Variants in SEMA4D observed in about 807,000 individuals in gnomAD.
SEMA4D encodes the protein semaphorin 4D, also known as semaphorin-4D.
SEMA4D carries 22 observed loss-of-function variants against 74.8 expected under a neutral mutation model. That is an observed-to-expected ratio of 0.29 (90% CI 0.21 to 0.42). SEMA4D has a LOEUF of 0.42. SEMA4D is among the 10% of genes least tolerant of loss of function. The pLI, the probability that SEMA4D is intolerant of heterozygous loss-of-function variation, is 1.00. For missense variants in SEMA4D, 937 were observed against 1,118.4 expected (o/e 0.84, Z 2.31); for synonymous variants, 445 against 463.7 (o/e 0.96, Z 0.52).
intron 1 of SEMA4D, among the ~76,000 whole-genome samples, chr9:89,494,137 A>C (rs1825828065): frequency 6.6e-6 from 1 of 152,198 alleles, no homozygotes. Context: ...CCACAAATCA[A>C]ATTCTATTTA....
chr9:89,390,352 G>A (rs1839556729), intron 9 of SEMA4D, among the ~76,000 whole-genome samples: 1 of 130,286 alleles, frequency 7.7e-6, no homozygotes, highest in Non-Finnish European at 1.7e-5. Flanking sequence ...CAGGAGCATG[G>A]CAGCCACGGC....
intron 2 of SEMA4D, among the ~76,000 whole-genome samples, chr9:89,415,126 T>C (rs1296319998): frequency 6.6e-6 from 1 of 152,190 alleles, no homozygotes; most frequent in African/African-American, 2.4e-5. Context: ...TGTCATGCCA[T>C]TTGTGTGACA....
At chr9:89,431,215 G>C (rs1413308323) in intron 2 of SEMA4D, among the ~76,000 whole-genome samples, 1 of 152,152 alleles carries the variant, frequency 6.6e-6, no homozygotes, top group Non-Finnish European at 1.5e-5. Context: ...TGACTGGCAC[G>C]TTCCAAGCTC....
chr9:89,490,921 A>G (rs1440405308), intron 1 of SEMA4D, among the ~76,000 whole-genome samples: 1 of 152,226 alleles, frequency 6.6e-6, no homozygotes, highest in African/African-American at 2.4e-5. Flanking sequence ...CTGCAATAGC[A>G]TAAAAGCAGC....
At chr9:89,394,960 C>CG (rs1840621308) in intron 6 of SEMA4D, among the ~76,000 whole-genome samples, 1 of 152,078 alleles carries the variant, frequency 6.6e-6, no homozygotes, top group South Asian at 2.1e-4. Context: ...TTGGGAGTCA[C>CG]GGGTCATAGT....
chr9:89,414,655 G>A (rs1277740141), intron 2 of SEMA4D, among the ~76,000 whole-genome samples: 2 of 152,244 alleles, frequency 1.3e-5, no homozygotes, highest in Non-Finnish European at 1.5e-5. Context: ...GGTTTCAGGA[G>A]CTGTCTAGGT....
intron 15 of SEMA4D, 79 bp from the exon 16 acceptor site, chr9:89,379,708 A>G: frequency 1.4e-6 from 2 of 1,472,954 alleles, no homozygotes; most frequent in African/African-American, 1.4e-5. Flanking sequence ...TACCCACAAG[A>G]TGACGCAAGA....
At chr9:89,389,404 G>C (rs901714100) in intron 9 of SEMA4D, among the ~76,000 whole-genome samples, 1 of 152,214 alleles carries the variant, frequency 6.6e-6, no homozygotes, top group African/African-American at 2.4e-5. Context: ...CCCTGGCATT[G>C]TGTGACTTTC....
At chr9:89,384,548 GCAGA>G (rs1366310450) in intron 13 of SEMA4D, 3 of 559,388 alleles carry the variant, frequency 5.4e-6, no homozygotes, top group African/African-American at 2.0e-5. Flanking sequence ...AAAGCACCCT[GCAGA>G]CAGACAGTGG....
chr9:89,396,663 C>T (rs1362037816), intron 6 of SEMA4D, 74 bp downstream of exon 6: 2 of 1,248,962 alleles, frequency 1.6e-6, no homozygotes, highest in Non-Finnish European at 2.3e-6. Flanking sequence ...AGCTTTACGT[C>T]TGCTTTGAGC....
Position 89,387,173 on chromosome 9 carries a change from A to C in SEMA4D, c.1330+213T>G. ...GCCAGGACTTGCATTTTTATTTTTA[A>C]CAAGTACCTCCAGTAGCCTGGTGGT... On this transcript the variant is annotated intron_variant, in intron 12 of 15. Transcript: ENST00000422704. 3 of 539,310 alleles carry C rather than the reference A, an allele frequency of 5.6e-6. No individual in the cohort carries two copies. The East Asian group carries it at 9.2e-5, about 17-fold the overall frequency. 33.4% of individuals were successfully genotyped at this position (539,310 alleles called of 1,614,324 possible). A position where few individuals can be genotyped will look rare whatever the true frequency, so the allele number is the denominator to read the frequency against.
Position 89,378,480 on chromosome 9 carries a change from CA to C in SEMA4D, c.*223del, listed in dbSNP as rs1313092058. ...AAGTACTCCGACTGACTTCGGAACACAAGACTGGGATGCAATGCTTGTCATT... is the reference window on the plus strand; with the variant it reads ...AAGTACTCCGACTGACTTCGGAACACAGACTGGGATGCAATGCTTGTCATT... On this transcript the variant is annotated 3_prime_UTR_variant, in exon 16 of 16. Coordinates refer to ENST00000422704, the MANE Select transcript of SEMA4D (RefSeq NM_001371194.2). The C allele has an allele frequency of 3.7e-6, 2 of 540,340 alleles. No homozygotes were observed. The highest frequency in any genetic ancestry group is 3.8e-5 in the African/African-American group (2 of 52,840). The allele number at this position is 540,340 out of a possible 1,614,324, so 33.5% of individuals were successfully genotyped here.
chr9:89,427,627 C>T (rs997084157), intron 2 of SEMA4D, among the ~76,000 whole-genome samples: 1 of 152,206 alleles, frequency 6.6e-6, no homozygotes, highest in African/African-American at 2.4e-5. Context: ...CCCTCTCCAC[C>T]CCCCGGTCAG....
chr9:89,375,809 C>A (rs1156257107), downstream of SEMA4D, among the ~76,000 whole-genome samples: 1 of 152,208 alleles, frequency 6.6e-6, no homozygotes, highest in East Asian at 1.9e-4. Context: ...CAATCCAGGG[C>A]AAATGCCTCC....
Position 89,477,188 on chromosome 9 carries a change from C to A in SEMA4D, c.-310+20731G>T, listed in dbSNP as rs1044003509. 3.9e-5 allele frequency among the ~76,000 whole-genome samples: 6 copies of A among 152,266 alleles called. No individual in the cohort carries two copies. The East Asian group carries it at 5.8e-4, about 15-fold the overall frequency. ...CATGCTGTGCACTGCTATTCTGGAA[C>A]CTATGAGCACACATGTGCAGGCAGG... is the stretch of plus-strand genomic sequence containing the variant. On this transcript the variant is annotated intron_variant, in intron 1 of 15. Coordinates refer to ENST00000422704, the MANE Select transcript of SEMA4D (RefSeq NM_001371194.2).
At chr9:89,474,316 G>GT (rs1861219602) in intron 1 of SEMA4D, among the ~76,000 whole-genome samples, 1 of 152,324 alleles carries the variant, frequency 6.6e-6, no homozygotes, top group East Asian at 1.9e-4. Context: ...CTTAAACCCT[G>GT]TGTTTGTGCT....
chr9:89,468,757 GTGTGTAATGCT>G (rs1271841686), intron 1 of SEMA4D, among the ~76,000 whole-genome samples: 3 of 152,132 alleles, frequency 2.0e-5, no homozygotes, highest in Admixed American at 1.3e-4. Flanking sequence ...GATTCTCCCG[GTGTGTAATGCT>G]TGTGTAATGC....
intron 1 of SEMA4D, among the ~76,000 whole-genome samples, chr9:89,458,933 A>G (rs1236624790): frequency 1.3e-5 from 2 of 148,480 alleles, no homozygotes; most frequent in African/African-American, 4.9e-5. Context: ...ACACACCCAC[A>G]TGTACTCATA....
intron 1 of SEMA4D, among the ~76,000 whole-genome samples, chr9:89,474,685 C>A (rs1457994673): frequency 6.6e-6 from 1 of 152,230 alleles, no homozygotes; most frequent in Non-Finnish European, 1.5e-5. Context: ...GCTACAGACA[C>A]ATGTAGCTTG....
Sources: allele counts gnomAD v4.1 joint callset (sites outside exome capture counted in the v4.1 genomes callset), GRCh38; gene constraint gnomAD v4.1.1; transcripts MANE v1.5; gene names NCBI Gene and HGNC (gene_info 2026-07-23, HGNC 2026-07-21).